ERC2: variants seen among roughly 807,000 people sequenced by gnomAD.
The protein encoded by ERC2 is ELKS/RAB6-interacting/CAST family member 2.
A neutral mutation model predicts 114.8 loss-of-function variants in ERC2; 42 were observed. That is an observed-to-expected ratio of 0.37 (90% CI 0.29 to 0.47). The LOEUF is 0.47. Among genes scored for constraint, ERC2 ranks in the 20% least tolerant of loss-of-function variants. The probability of loss-of-function intolerance (pLI) is 0.99; values close to 1 mark genes in which losing one functional copy is unlikely to be tolerated. For synonymous variants in ERC2, 454 were observed against 425.5 expected (o/e 1.07, Z -0.82); for missense variants, 939 against 1,150.7 (o/e 0.82, Z 2.66).
intron 3 of ERC2, among the ~76,000 whole-genome samples, chr3:56,269,894 A>T (rs6787350): frequency 2.0e-5 from 3 of 152,116 alleles, no homozygotes; most frequent in Non-Finnish European, 2.9e-5. Context: ...CACTTGGGGA[A>T]TAGTCTTATA....
At chr3:55,627,849 T>A (rs982606817) in intron 17 of ERC2, among the ~76,000 whole-genome samples, 1 of 151,038 alleles carries the variant, frequency 6.6e-6, no homozygotes, top group Non-Finnish European at 1.5e-5. Flanking sequence ...TTAATAGAAC[T>A]TGGATGTAAA....
chr3:56,386,498 C>T (rs1378585291), intron 2 of ERC2, among the ~76,000 whole-genome samples: 1 of 152,144 alleles, frequency 6.6e-6, no homozygotes, highest in Non-Finnish European at 1.5e-5. Context: ...AAAATATGGG[C>T]TCCACACTAG....
At chr3:56,283,348 C>T (rs1034404658) in intron 3 of ERC2, among the ~76,000 whole-genome samples, 7 of 152,074 alleles carry the variant, frequency 4.6e-5, no homozygotes, top group Non-Finnish European at 7.4e-5. Context: ...AGTCATTTCT[C>T]GGCCGGGCAT....
chr3:56,300,399 A>G (rs2055790465), intron 2 of ERC2, among the ~76,000 whole-genome samples: 1 of 152,188 alleles, frequency 6.6e-6, no homozygotes, highest in Admixed American at 6.5e-5. Context: ...AGTCATAACC[A>G]GGTGGCTAGA....
At chr3:56,130,335 G>A (rs1228086625) in intron 6 of ERC2, among the ~76,000 whole-genome samples, 3 of 152,064 alleles carry the variant, frequency 2.0e-5, no homozygotes, top group Non-Finnish European at 4.4e-5. Flanking sequence ...TTTTCAGGAC[G>A]AATTCATGTA....
chr3:55,682,583 T>C (rs2062111838), intron 17 of ERC2, among the ~76,000 whole-genome samples: 1 of 152,110 alleles, frequency 6.6e-6, no homozygotes, highest in Non-Finnish European at 1.5e-5. Flanking sequence ...ACGTACCAGC[T>C]CTTGGTTAAA....
chr3:56,282,678 G>GTGCTGC (rs57092549), intron 3 of ERC2, among the ~76,000 whole-genome samples: 45,901 of 151,138 alleles, frequency 0.3, 8,767 homozygotes, highest in Middle Eastern at 0.44. Flanking sequence ...TCTAACAGTG[G>GTGCTGC]TGCTGCTGCT....
In ERC2 at chr3:56,079,783, T is replaced by C. The variant is rs551146985; in HGVS notation, c.1641+1034A>G. Among the ~76,000 whole-genome samples, 8 of 152,314 alleles carry C rather than the reference T, an allele frequency of 5.3e-5. No homozygotes were observed. The South Asian group carries it at 6.2e-4, about 12-fold the overall frequency. On this transcript the variant is annotated intron_variant, in intron 7 of 17. Coordinates refer to ENST00000288221, the MANE Select transcript of ERC2 (RefSeq NM_015576.3). ...GGAGAGTTTTTATCAGAGAGTGACA[T>C]GAACCGTTTTATGCATTATGAGGAT...
chr3:55,751,180 C>T lies in ERC2; in HGVS notation c.2565-16262G>A, dbSNP rs149444579. On this transcript the variant is annotated intron_variant, in intron 14 of 17. Coordinates refer to ENST00000288221, the MANE Select transcript of ERC2 (RefSeq NM_015576.3). ...CCTTGTGAAAAGTGTTTGGCACTTC[C>T]AAGCTGGCTGCCTTATAAATGCCAT... Among the ~76,000 whole-genome samples the T allele has an allele frequency of 7.9e-4, 121 of 152,306 alleles. No individual in the cohort carries two copies. The East Asian group carries it at 0.021, about 27-fold the overall frequency.
At chr3:56,426,178 G>C (rs2061563688) in intron 2 of ERC2, among the ~76,000 whole-genome samples, 1 of 152,190 alleles carries the variant, frequency 6.6e-6, no homozygotes, top group Non-Finnish European at 1.5e-5. Flanking sequence ...AGCTGAGCCA[G>C]GATTTCTCAG....
chr3:55,798,903 T>A (rs535191677), intron 14 of ERC2, among the ~76,000 whole-genome samples: 21 of 150,942 alleles, frequency 1.4e-4, no homozygotes, highest in African/African-American at 4.7e-4. Flanking sequence ...ACATTATTTT[T>A]AAAAAATAAT....
intron 7 of ERC2, among the ~76,000 whole-genome samples, chr3:56,045,047 G>A (rs1194142805): frequency 2.6e-5 from 4 of 152,112 alleles, no homozygotes; most frequent in Admixed American, 2.6e-4. Context: ...GATATAGAAC[G>A]TATTTTATGG....
chr3:56,414,394 G>A (rs1266227896), intron 2 of ERC2, among the ~76,000 whole-genome samples: 1 of 152,156 alleles, frequency 6.6e-6, no homozygotes, highest in East Asian at 1.9e-4. Context: ...TGTGGGGGTA[G>A]CTCTTAAATT....
At chr3:55,906,667 C>T (rs373365000) in intron 13 of ERC2, among the ~76,000 whole-genome samples, 1 of 152,186 alleles carries the variant, frequency 6.6e-6, no homozygotes, top group Non-Finnish European at 1.5e-5. Context: ...CAATATTGCC[C>T]ACTTTCCAAA....
chr3:55,590,800 G>T (rs914731554), intron 17 of ERC2, among the ~76,000 whole-genome samples: 5 of 152,146 alleles, frequency 3.3e-5, no homozygotes, highest in Non-Finnish European at 7.3e-5. Context: ...AGGTTGTGGA[G>T]GACATTAATG....
At chr3:55,917,829 C>T (rs11715747) in intron 13 of ERC2, among the ~76,000 whole-genome samples, 40,932 of 152,000 alleles carry the variant, frequency 0.27, 5,805 homozygotes, top group Admixed American at 0.35. Context: ...TTTCTAAATG[C>T]TTTGTGGATA....
At position 56,206,135 on chromosome 3, in the gene ERC2, G is replaced by A. The variant is rs1575822400; in HGVS notation, c.1075-32615C>T. Among the ~76,000 whole-genome samples, 4 of 151,870 alleles carry A rather than the reference G, an allele frequency of 2.6e-5. No homozygotes were observed. The South Asian group carries it at 8.3e-4, about 32-fold the overall frequency. On this transcript the variant is annotated intron_variant, in intron 3 of 17. Coordinates refer to ENST00000288221, the MANE Select transcript of ERC2 (RefSeq NM_015576.3). ...CTTCTGTTTTACAAATGAGAATGGG[G>A]TCAGGGAATGTTTAGTAACTTTCTC...
chr3:56,007,471 C>A (rs2072586567), intron 9 of ERC2, 150 bp from the exon 10 acceptor site: 2 of 752,938 alleles, frequency 2.7e-6, no homozygotes, highest in East Asian at 3.0e-5. Context: ...ATAGTCAGCT[C>A]TGGTCAGGAA....
At chr3:56,425,538 C>G (rs1248696211) in intron 2 of ERC2, among the ~76,000 whole-genome samples, 1 of 149,282 alleles carries the variant, frequency 6.7e-6, no homozygotes, top group Non-Finnish European at 1.5e-5. Flanking sequence ...AAGAACTAAC[C>G]AACTCCACCC....
Sources: allele counts gnomAD v4.1 joint callset (sites outside exome capture counted in the v4.1 genomes callset), GRCh38; gene constraint gnomAD v4.1.1; transcripts MANE v1.5; gene names NCBI Gene and HGNC (gene_info 2026-07-23, HGNC 2026-07-21).